BNC2: variants seen among roughly 807,000 people sequenced by gnomAD.
The protein encoded by BNC2 is zinc finger protein basonuclin-2.
In BNC2, 20 loss-of-function variants were observed where a neutral mutation model predicts 76.3. The observed-to-expected ratio is 0.26, with a 90% CI of 0.18 to 0.38. The LOEUF is 0.38. BNC2 is among the 10% of genes least tolerant of loss of function. The pLI, the probability that BNC2 is intolerant of heterozygous loss-of-function variation, is 1.00. For missense variants in BNC2, 1,382 were observed against 1,399.8 expected (o/e 0.99, Z 0.20); for synonymous variants, 582 against 514.8 (o/e 1.13, Z -1.77).
intron 5 of BNC2, among the ~76,000 whole-genome samples, chr9:16,516,050 A>G (rs1328292060): frequency 6.6e-6 from 1 of 152,160 alleles, no homozygotes; most frequent in African/African-American, 2.4e-5. Flanking sequence ...GATTCAAGGG[A>G]AAATGAAAAC....
At chr9:16,461,234 A>G (rs1297829170) in intron 5 of BNC2, among the ~76,000 whole-genome samples, 2 of 152,152 alleles carry the variant, frequency 1.3e-5, no homozygotes, top group Non-Finnish European at 2.9e-5. Context: ...TGATCATTTT[A>G]TATCCCTCTG....
intron 3 of BNC2, among the ~76,000 whole-genome samples, chr9:16,661,192 A>G (rs1372264614): frequency 6.6e-6 from 1 of 152,152 alleles, no homozygotes; most frequent in Non-Finnish European, 1.5e-5. Flanking sequence ...CCCTTACCTC[A>G]TTCCTGTATC....
At chr9:16,779,921 A>G (rs763159151) in intron 1 of BNC2, among the ~76,000 whole-genome samples, 6 of 152,186 alleles carry the variant, frequency 3.9e-5, no homozygotes, top group Non-Finnish European at 7.3e-5. Flanking sequence ...GAATGTAGTG[A>G]TAGTTAGACA....
At chr9:16,699,599 G>C (rs1823448218) in intron 3 of BNC2, among the ~76,000 whole-genome samples, 1 of 152,198 alleles carries the variant, frequency 6.6e-6, no homozygotes, top group South Asian at 2.1e-4. Flanking sequence ...GATACCAAGT[G>C]CAAACTGCAT....
rs189864169 is a variant in BNC2 at position 16,845,708 on chromosome 9, A to C, written c.3+24938T>G. On this transcript the variant is annotated intron_variant, in intron 1 of 6. Coordinates refer to ENST00000380672, the MANE Select transcript of BNC2 (RefSeq NM_017637.6). The stretch of plus-strand genomic sequence containing the variant: ...TGCACTCCAGCCTGGGCGACAAAGC[A>C]AGACTCCGTCTCAAAATAAAATAAA... Among the ~76,000 whole-genome samples, 14 of 151,802 alleles carry C rather than the reference A, an allele frequency of 9.2e-5. No homozygotes were observed. The South Asian group carries it at 2.5e-3, about 27-fold the overall frequency.
intron 5 of BNC2, among the ~76,000 whole-genome samples, chr9:16,461,107 T>C (rs929676176): frequency 6.6e-6 from 1 of 152,190 alleles, no homozygotes; most frequent in Non-Finnish European, 1.5e-5. Context: ...TGAGGCTCTC[T>C]TGGTTATAGG....
At chr9:16,832,758 G>T (rs1274725426) in intron 1 of BNC2, among the ~76,000 whole-genome samples, 1 of 151,256 alleles carries the variant, frequency 6.6e-6, no homozygotes, top group Non-Finnish European at 1.5e-5. Flanking sequence ...ATGGAGTCTC[G>T]CTCTGTCACC....
chr9:16,575,057 T>C (rs1014465973), intron 4 of BNC2, among the ~76,000 whole-genome samples: 1 of 152,232 alleles, frequency 6.6e-6, no homozygotes, highest in Non-Finnish European at 1.5e-5. Flanking sequence ...GTGTATACTA[T>C]GTATGAGGCA....
chr9:16,611,840 G>C (rs12001003), intron 3 of BNC2, among the ~76,000 whole-genome samples: 145,889 of 152,104 alleles, frequency 0.96, 70,016 homozygotes, highest in African/African-American at 0.99. Context: ...CAAAATTTTT[G>C]AAAATTCATA....
chr9:16,699,548 T>C (rs1294961428), intron 3 of BNC2, among the ~76,000 whole-genome samples: 1 of 152,170 alleles, frequency 6.6e-6, no homozygotes, highest in African/African-American at 2.4e-5. Context: ...AGTATGTACA[T>C]GATGCAAGTA....
At chr9:16,742,195 A>G (rs1824871463) in intron 1 of BNC2, among the ~76,000 whole-genome samples, 1 of 152,216 alleles carries the variant, frequency 6.6e-6, no homozygotes, top group Non-Finnish European at 1.5e-5. Context: ...TGGCTAGGAA[A>G]TTCCCCAAAG....
At chr9:16,643,643 G>GA (rs1821549606) in intron 3 of BNC2, among the ~76,000 whole-genome samples, 1 of 151,820 alleles carries the variant, frequency 6.6e-6, no homozygotes, top group Non-Finnish European at 1.5e-5. Flanking sequence ...TTTTTTGCAT[G>GA]AAAAAATATG....
intron 3 of BNC2, among the ~76,000 whole-genome samples, chr9:16,654,318 T>A (rs1202799916): frequency 6.6e-6 from 1 of 152,194 alleles, no homozygotes; most frequent in Non-Finnish European, 1.5e-5. Context: ...GGGCATAACA[T>A]AAGCATTATT....
At chr9:16,603,446 A>C (rs1820297049) in intron 3 of BNC2, among the ~76,000 whole-genome samples, 1 of 152,218 alleles carries the variant, frequency 6.6e-6, no homozygotes, top group Non-Finnish European at 1.5e-5. Flanking sequence ...AACTTTTAAC[A>C]ATCAGGTTCA....
At chr9:16,779,345 G>T (rs140437536) in intron 1 of BNC2, among the ~76,000 whole-genome samples, 2 of 150,956 alleles carry the variant, frequency 1.3e-5, no homozygotes, top group African/African-American at 4.9e-5. Context: ...GTTACCAGAG[G>T]TAAGTAGAAG....
At chr9:16,848,991 C>T (rs1211376736) in intron 1 of BNC2, among the ~76,000 whole-genome samples, 2 of 151,874 alleles carry the variant, frequency 1.3e-5, no homozygotes, top group Non-Finnish European at 2.9e-5. Context: ...CCTGAGATAC[C>T]CCATTATGTA....
At chr9:16,655,998 T>C (rs545930227) in intron 3 of BNC2, among the ~76,000 whole-genome samples, 1 of 152,238 alleles carries the variant, frequency 6.6e-6, no homozygotes, top group Non-Finnish European at 1.5e-5. Context: ...TACAAGGCAG[T>C]GTTCTTAATA....
chr9:16,615,517 A>G (rs1245632041), intron 3 of BNC2, among the ~76,000 whole-genome samples: 2 of 152,188 alleles, frequency 1.3e-5, no homozygotes, highest in Admixed American at 6.6e-5. Context: ...GAAGGACATC[A>G]AAAGGAATCT....
At chr9:16,836,867 C>G (rs559059482) in intron 1 of BNC2, among the ~76,000 whole-genome samples, 3 of 152,122 alleles carry the variant, frequency 2.0e-5, no homozygotes, top group African/African-American at 7.2e-5. Flanking sequence ...AGAAAAGGCC[C>G]TTGGGCTGTC....
Sources: allele counts gnomAD v4.1 joint callset (sites outside exome capture counted in the v4.1 genomes callset), GRCh38; gene constraint gnomAD v4.1.1; transcripts MANE v1.5; gene names NCBI Gene and HGNC (gene_info 2026-07-23, HGNC 2026-07-21).